HCN2: variants seen among roughly 807,000 people sequenced by gnomAD.
HCN2 encodes potassium/sodium hyperpolarization-activated cyclic nucleotide-gated channel 2.
In HCN2, 20 loss-of-function variants were observed where a neutral mutation model predicts 52.3. The ratio of observed to expected loss-of-function variants is 0.38; its 90% CI spans 0.27 to 0.56. The LOEUF (loss-of-function observed/expected upper bound fraction) is 0.56, where lower values mean the gene tolerates loss of function less well. Among genes scored for constraint, HCN2 ranks in the 20% least tolerant of loss-of-function variants. The pLI is 0.71. For synonymous variants in HCN2, 694 were observed against 537.0 expected (o/e 1.29, Z -4.04); for missense variants, 981 against 1,207.7 (o/e 0.81, Z 2.78).
chr19:617,049 C>T lies in HCN2; in HGVS notation c.*575C>T, dbSNP rs1045758506. The T allele has an allele frequency of 7.2e-5, 40 of 554,624 alleles. No individual in the cohort carries two copies. Among genetic ancestry groups the T allele is most frequent in the Non-Finnish European group, 1.2e-4 (36 of 307,048 alleles). The allele number at this position is 554,624 out of a possible 1,614,324, so 34.4% of individuals were successfully genotyped here. On this transcript the variant is annotated 3_prime_UTR_variant, in exon 8 of 8. Transcript: ENST00000251287. ...GGGGGGGAGGCTGGGGTCCCGCCGC[C>T]GTGATGAATGTACTGACGAGCCGAG...
At chr19:604,037 G>A (rs1029782345) in intron 2 of HCN2, 70 bp downstream of exon 2, 5 of 1,170,844 alleles carry the variant, frequency 4.3e-6, no homozygotes, top group Admixed American at 4.4e-5. Flanking sequence ...CGGGGCCAAG[G>A]CAGCAGGGGC....
chr19:596,861 T>A (rs1983045940), intron 1 of HCN2, among the ~76,000 whole-genome samples: 1 of 151,950 alleles, frequency 6.6e-6, no homozygotes, highest in African/African-American at 2.4e-5. Context: ...GGAGAGGGTC[T>A]CCCAAGGTCA....
intron 3 of HCN2, among the ~76,000 whole-genome samples, chr19:607,478 T>G (rs1424452373): frequency 6.6e-6 from 1 of 152,182 alleles, no homozygotes; most frequent in Non-Finnish European, 1.5e-5. Flanking sequence ...GGCAGCCCAT[T>G]GTCTGGCTGC....
In HCN2 at chr19:603,663, C is replaced by T; in HGVS notation, c.752C>T (p.Ser251Leu). ...TAPWIVFNVV[S>L]DTFFLMDLVL... ...CCGTGGATCGTGTTCAACGTGGTCT[C>T]GGACACCTTCTTCCTCATGGACCTG... The change falls in exon 2 of 8, where the codon TCG becomes TTG. Residue 251 changes from serine to leucine, a missense_variant. Physicochemically the swap from Ser to Leu is moderately radical, Grantham distance 145. This residue lies in a region of HCN2 where 282 missense variants were observed against 553.8 expected (regional missense o/e 0.51). Coordinates refer to ENST00000251287, the MANE Select transcript of HCN2 (RefSeq NM_001194.4). 1 of 1,612,654 alleles carries T rather than the reference C, an allele frequency of 6.2e-7. No individual in the cohort carries two copies. The highest frequency in any genetic ancestry group is 8.5e-7 in the Non-Finnish European group (1 of 1,179,688).
intron 1 of HCN2, among the ~76,000 whole-genome samples, chr19:598,694 C>G (rs540559126): frequency 6.6e-6 from 1 of 152,060 alleles, no homozygotes; most frequent in African/African-American, 2.4e-5. Flanking sequence ...CTCCGCCTCC[C>G]GGGTTCATGC....
chr19:612,393 G>GGT (rs140326049), intron 5 of HCN2, among the ~76,000 whole-genome samples: 2,401 of 141,858 alleles, frequency 0.017, 38 homozygotes, highest in African/African-American at 0.037. Context: ...GCTTTCCACT[G>GGT]GTGTGTGTGT....
intron 5 of HCN2, among the ~76,000 whole-genome samples, chr19:612,427 T>TGTGTGTGTGGGTGTGAGAGA: frequency 7.0e-6 from 1 of 142,256 alleles, no homozygotes; most frequent in Non-Finnish European, 1.5e-5. Context: ...TGTGTGTGTG[T>TGTGTGTGTGGGTGTGAGAGA]GAGAGAGAGA....
At chr19:594,474 G>A (rs1195668704) in intron 1 of HCN2, among the ~76,000 whole-genome samples, 1 of 152,186 alleles carries the variant, frequency 6.6e-6, no homozygotes, top group Non-Finnish European at 1.5e-5. Context: ...GGAGACAGAC[G>A]AGATGCTCCC....
At position 603,561 on chromosome 19, in the gene HCN2, C is replaced by T. The variant is rs752207831; in HGVS notation, c.650C>T (p.Thr217Ile). 1.9e-6 allele frequency: 3 copies of T among 1,606,174 alleles called. No homozygotes were observed. The highest frequency in any genetic ancestry group is 1.1e-5 in the South Asian group (1 of 90,662). Residue 217 changes from threonine (T) to isoleucine (I), a missense_variant, in exon 2 of 8, where the codon ACC becomes ATC. Around this residue, in one of 6 missense-constraint regions of HCN2, gnomAD observed 282 missense variants for 553.8 expected, o/e 0.51. Transcript: ENST00000251287. ...YSDFRFYWDF[T>I]MLLFMVGNLI... is the part of the protein sequence containing the mutation. ...GCCCCCAGGTTCTACTGGGACTTCA[C>T]CATGCTGCTGTTCATGGTGGGAAAC... is the stretch of plus-strand genomic sequence containing the variant.
chr19:607,097 G>A (rs953922255), intron 3 of HCN2, among the ~76,000 whole-genome samples: 6 of 152,168 alleles, frequency 3.9e-5, no homozygotes, highest in Non-Finnish European at 5.9e-5. Context: ...GCTTGAACCC[G>A]GGAGCGGAGG....
intron 5 of HCN2, among the ~76,000 whole-genome samples, chr19:613,035 A>C (rs922786458): frequency 6.6e-6 from 1 of 152,124 alleles, no homozygotes; most frequent in African/African-American, 2.4e-5. Context: ...GTATTGGCAG[A>C]TGTCGCCAAT....
intron 1 of HCN2, among the ~76,000 whole-genome samples, chr19:600,865 A>G (rs999254424): frequency 6.6e-6 from 1 of 152,154 alleles, no homozygotes; most frequent in Admixed American, 6.5e-5. Context: ...CTGTTGTACA[A>G]CCGTCACCAC....
In HCN2 at chr19:616,419, CCGGCGGCCTGGA is replaced by C. The variant is rs1226349281; in HGVS notation, c.2617_2628del (p.Gly873_Asp876del). The C allele has an allele frequency of 1.6e-6, 2 of 1,241,048 alleles. No homozygotes were observed. The highest frequency in any genetic ancestry group is 2.0e-6 in the Non-Finnish European group (2 of 990,038). The allele number at this position is 1,241,048 out of a possible 1,614,324, so 76.9% of individuals were successfully genotyped here. ...AGGGACTCGGCCTCACCCGGCGCCG[CCGGCGGCCTGGA>C]CCCCCAGGACTCCGCGCGCTCGCGC... On this transcript the variant is annotated inframe_deletion, in exon 8 of 8. Transcript: ENST00000251287.
chr19:612,094 G>A (rs544816539), intron 5 of HCN2, among the ~76,000 whole-genome samples: 49 of 151,948 alleles, frequency 3.2e-4, no homozygotes, highest in South Asian at 8.3e-4. Context: ...GCAGTGAGCC[G>A]AGATTGTGCC....
chr19:611,251 G>A (rs925943685), intron 5 of HCN2, among the ~76,000 whole-genome samples: 1 of 152,270 alleles, frequency 6.6e-6, no homozygotes, highest in East Asian at 1.9e-4. Flanking sequence ...AGCGCCGACT[G>A]CGTGCCCTGC....
chr19:615,302 G>A (rs1983847173), intron 7 of HCN2, among the ~76,000 whole-genome samples: 1 of 152,064 alleles, frequency 6.6e-6, no homozygotes, highest in Non-Finnish European at 1.5e-5. Flanking sequence ...GAGGTCAGGA[G>A]ATTGAGACCA....
At chr19:615,015 G>C (rs1031365112) in intron 7 of HCN2, among the ~76,000 whole-genome samples, 1 of 152,162 alleles carries the variant, frequency 6.6e-6, no homozygotes, top group East Asian at 1.9e-4. Flanking sequence ...CAGTGAGTAT[G>C]CAACCCGTTC....
rs142426895 is a variant in HCN2 at position 616,973 on chromosome 19, C to T, written c.*499C>T. The T allele has an allele frequency of 0.012, 5,526 of 463,146 alleles. 235 individuals are homozygous for T. Among genetic ancestry groups the T allele is most frequent in the African/African-American group, 0.095 (4,764 of 50,362 alleles). The allele number at this position is 463,146 out of a possible 1,614,324, so 28.7% of individuals were successfully genotyped here. On this transcript the variant is annotated 3_prime_UTR_variant, in exon 8 of 8. Transcript: ENST00000251287. Reference sequence around the variant, plus strand: ...CCGGTGACCTCGGGGAGCAGCACCCCGCCTCCCTCCAGCACTGGCACCGAG... The same window carrying T: ...CCGGTGACCTCGGGGAGCAGCACCCTGCCTCCCTCCAGCACTGGCACCGAG...
In HCN2 at chr19:590,438, C is replaced by G; in HGVS notation, c.493C>G (p.Arg165Gly). Residue 165 changes from arginine to glycine, a missense_variant, in exon 1 of 8, where the codon CGC becomes GGC. This residue lies in a region of HCN2 where 215 missense variants were observed against 179.4 expected (regional missense o/e 1.20). Transcript: ENST00000251287. The surrounding 1 kb of genome is among the most constrained non-coding windows in gnomAD (Gnocchi z 7.2). ...PRGSQASFMQ[R>G]QFGALLQPGV... ...CGGCAGCCAGGCCAGCTTCATGCAG[C>G]GCCAGTTCGGCGCGCTCCTGCAGCC... 1.3e-6 allele frequency: 2 copies of G among 1,496,786 alleles called. No individual in the cohort carries two copies. Among genetic ancestry groups the G allele is most frequent in the Non-Finnish European group, 1.8e-6 (2 of 1,116,540 alleles). 92.7% of individuals were successfully genotyped at this position (1,496,786 alleles called of 1,614,324 possible). A position where few individuals can be genotyped will look rare whatever the true frequency, so the allele number is the denominator to read the frequency against.
Sources: gnomAD v4.1 joint callset for allele counts (sites outside exome capture counted in the v4.1 genomes callset) on GRCh38, gnomAD v4.1.1 for gene constraint, gnomAD v4.1.1 regional missense constraint, Gnocchi (gnomAD v3.1) non-coding constraint, MANE v1.5 for transcripts, NCBI Gene and HGNC (gene_info 2026-07-23, HGNC 2026-07-21) for gene names.